Variants in PLEKHH1 observed in about 807,000 individuals in gnomAD.
The protein encoded by PLEKHH1 is pleckstrin homology domain-containing family H member 1.
Under a neutral mutation model 160.0 loss-of-function variants are expected in PLEKHH1, and 104 were observed. The observed-to-expected ratio is 0.65, with a 90% CI of 0.55 to 0.76. The LOEUF (loss-of-function observed/expected upper bound fraction) is 0.76, where lower values mean the gene tolerates loss of function less well. Among genes scored for constraint, PLEKHH1 ranks in the 30% least tolerant of loss-of-function variants. The probability of loss-of-function intolerance (pLI) is 0.00; values close to 1 mark genes in which losing one functional copy is unlikely to be tolerated. For synonymous variants in PLEKHH1, 619 were observed against 678.4 expected, an observed-to-expected ratio of 0.91 and a Z score of 1.36; for missense variants, 1,427 against 1,724.1, an observed-to-expected ratio of 0.83 and a Z score of 3.05.
In PLEKHH1 at chr14:67,583,835, G is replaced by C; in HGVS notation, c.3521G>C (p.Arg1174Thr). 6.2e-7 allele frequency: 1 copy of C among 1,613,472 alleles called. No individual in the cohort carries two copies. The highest frequency in any genetic ancestry group is 8.5e-7 in the Non-Finnish European group (1 of 1,179,662). The change falls in exon 25 of 29, where the codon AGG becomes ACG. Residue 1174 changes from arginine (R) to threonine (T), a missense_variant. Arg to Thr is a moderately conservative substitution (Grantham distance 71). Transcript: ENST00000329153. ...AQHLLQQVLD[R>T]FHPRRYRHGA... ...CATCTTCTCCAGCAGGTCCTAGACA[G>C]GTTCCACCCCAGGCGCTATAGACAT... is the stretch of plus-strand genomic sequence containing the variant.
Position 67,578,540 on chromosome 14 carries a change from C to A in PLEKHH1, c.2758C>A (p.Gln920Lys). The change falls in exon 20 of 29, where the codon CAG becomes AAG. Residue 920 changes from glutamine to lysine, a missense_variant. Coordinates refer to ENST00000329153, the MANE Select transcript of PLEKHH1 (RefSeq NM_020715.3). This position sits in a 1 kb window ranked among gnomAD's most constrained non-coding sequence, Gnocchi z 5.0. ...CTGTCTGTGTCCCTGGCAGTGCTGG[C>A]AGCTCCTCGCTCTGTGTGCTCCACT... is the stretch of plus-strand genomic sequence containing the variant. Reference protein sequence around the residue: ...PQKYSLMQCWQLLALCAPLFL... With the variant: ...PQKYSLMQCWKLLALCAPLFL... The A allele has an allele frequency of 6.2e-7, 1 of 1,608,118 alleles. No individual in the cohort carries two copies.
Position 67,565,201 on chromosome 14 carries a change from C to CTG in PLEKHH1, c.1263+2308_1263+2309insGT, listed in dbSNP as rs561628594. Among the ~76,000 whole-genome samples the CTG allele has an allele frequency of 2.8e-3, 424 of 152,214 alleles. 1 individual carries two copies. Among genetic ancestry groups the CTG allele is most frequent in the Non-Finnish European group, 3.1e-3 (211 of 68,016 alleles). On this transcript the variant is annotated intron_variant, in intron 7 of 28. Coordinates refer to ENST00000329153, the MANE Select transcript of PLEKHH1 (RefSeq NM_020715.3). Reference sequence around the variant, plus strand: ...CCACTGTTCCCCACAGACTTAGGTACTTGCCCAAGGTCATGTAGTAGTTAG... The same window carrying CTG: ...CCACTGTTCCCCACAGACTTAGGTACTGTTGCCCAAGGTCATGTAGTAGTTAG...
At chr14:67,580,676 T>C (rs536995440) in intron 22 of PLEKHH1, among the ~76,000 whole-genome samples, 10 of 152,232 alleles carry the variant, frequency 6.6e-5, no homozygotes, top group Non-Finnish European at 1.2e-4. Context: ...GCCTAGCCTC[T>C]GGGGAGGCCC....
At chr14:67,551,789 C>T (rs964993922) in intron 2 of PLEKHH1, among the ~76,000 whole-genome samples, 2 of 151,752 alleles carry the variant, frequency 1.3e-5, no homozygotes, top group African/African-American at 2.4e-5. Context: ...CTTGGGAGAT[C>T]GAGAATCGCT....
In PLEKHH1 at chr14:67,572,187, C is replaced by T. The variant is rs201079154; in HGVS notation, c.1638C>T (p.Asp546=). ...SSEGDYAIPP[D]ACSLDSDYSE... is the part of the protein sequence containing the mutation. ...AGGGTGACTACGCCATCCCCCCGGA[C>T]GCCTGCTCACTGGACAGTGACTACT... is the stretch of plus-strand genomic sequence containing the variant. Residue 546 remains aspartate (D), a synonymous_variant, in exon 11 of 29, where the codon GAC becomes GAT. Coordinates refer to ENST00000329153, the MANE Select transcript of PLEKHH1 (RefSeq NM_020715.3). 1.9e-4 allele frequency: 313 copies of T among 1,608,268 alleles called. 1 individual carries two copies. The East Asian group carries it at 4.8e-3, about 25-fold the overall frequency.
At chr14:67,565,646 C>T (rs921722371) in intron 7 of PLEKHH1, among the ~76,000 whole-genome samples, 3 of 152,162 alleles carry the variant, frequency 2.0e-5, no homozygotes, top group African/African-American at 4.8e-5. Context: ...GGCAGACATC[C>T]CCTCCACAGA....
chr14:67,583,701 G>C, intron 24 of PLEKHH1, 40 bp from the exon 25 acceptor site: 1 of 1,564,704 alleles, frequency 6.4e-7, no homozygotes, highest in Non-Finnish European at 8.7e-7. Flanking sequence ...CCCATCCACT[G>C]TCAGATTTTG....
intron 2 of PLEKHH1, among the ~76,000 whole-genome samples, chr14:67,551,537 G>A (rs150169076): frequency 1.1e-3 from 167 of 152,252 alleles, no homozygotes; most frequent in African/African-American, 3.9e-3. Flanking sequence ...ACACTGTGGT[G>A]GAGTCAGTGA....
chr14:67,584,174 T>C (rs1410744018), intron 26 of PLEKHH1, 50 bp downstream of exon 26: 1 of 1,585,264 alleles, frequency 6.3e-7, no homozygotes, highest in Non-Finnish European at 8.6e-7. Flanking sequence ...TGTCCCCAAC[T>C]GCTCATGTTT....
chr14:67,560,938 C>T (rs982967382), intron 5 of PLEKHH1, among the ~76,000 whole-genome samples: 2 of 152,214 alleles, frequency 1.3e-5, no homozygotes, highest in Non-Finnish European at 2.9e-5. Flanking sequence ...GTTATGTTGG[C>T]CAGGCTAGTC....
chr14:67,546,709 A>G (rs963998492), intron 2 of PLEKHH1, among the ~76,000 whole-genome samples: 1 of 152,132 alleles, frequency 6.6e-6, no homozygotes, highest in Non-Finnish European at 1.5e-5. Flanking sequence ...ATGTTTTTAA[A>G]AAATTATTCT....
In PLEKHH1 at chr14:67,541,934, A is replaced by G; in HGVS notation, c.67A>G (p.Thr23Ala). ...GCAGAAACGCTGCCTGACCCTGGAAACTCAGCTTTTCCGGTTCCGCCTACA... is the reference window on the plus strand; with the variant it reads ...GCAGAAACGCTGCCTGACCCTGGAAGCTCAGCTTTTCCGGTTCCGCCTACA... Reference protein sequence around the residue: ...DWQKRCLTLETQLFRFRLQAS... With the variant: ...DWQKRCLTLEAQLFRFRLQAS... Residue 23 changes from threonine (T) to alanine (A), a missense_variant, in exon 2 of 29, where the codon ACT (threonine) becomes GCT (alanine). Thr to Ala is a moderately conservative substitution (Grantham distance 58). Transcript: ENST00000329153. The G allele has an allele frequency of 6.2e-7, 1 of 1,607,152 alleles. No homozygotes were observed. Among genetic ancestry groups the G allele is most frequent in the Non-Finnish European group, 8.5e-7 (1 of 1,177,094 alleles).
chr14:67,578,598 T>G lies in PLEKHH1; in HGVS notation c.2816T>G (p.Val939Gly). The G allele has an allele frequency of 3.1e-6, 5 of 1,611,494 alleles. No individual in the cohort carries two copies. Residue 939 changes from valine (V) to glycine (G), a missense_variant, in exon 20 of 29, where the codon GTC (valine) becomes GGC (glycine). Physicochemically the swap from Val to Gly is moderately radical, Grantham distance 109 (BLOSUM62 -3). This residue lies in a region of PLEKHH1 where 436 missense variants were observed against 607.5 expected (regional missense o/e 0.72). Coordinates refer to ENST00000329153, the MANE Select transcript of PLEKHH1 (RefSeq NM_020715.3). This position sits in a 1 kb window ranked among gnomAD's most constrained non-coding sequence, Gnocchi z 5.0. ...CCTCAGCATCACTTCCTCTGGTATG[T>G]CAAGCAGCAGCTCCAACGCCATGCA... ...FLPQHHFLWY[V>G]KQQLQRHADP... is the part of the protein sequence containing the mutation.
chr14:67,548,156 A>G (rs2034252424), intron 2 of PLEKHH1, among the ~76,000 whole-genome samples: 1 of 152,248 alleles, frequency 6.6e-6, no homozygotes, highest in African/African-American at 2.4e-5. Context: ...CAATTTAAAA[A>G]TTGATACTGT....
chr14:67,546,867 G>GAT (rs570707756), intron 2 of PLEKHH1, among the ~76,000 whole-genome samples: 7 of 152,008 alleles, frequency 4.6e-5, no homozygotes, highest in South Asian at 2.1e-4. Flanking sequence ...TGTCTCAAAG[G>GAT]ATATATATAT....
Position 67,578,400 on chromosome 14 carries a change from C to T in PLEKHH1, c.2752-134C>T. On this transcript the variant is annotated intron_variant, in intron 19 of 28. Transcript: ENST00000329153. This position sits in a 1 kb window ranked among gnomAD's most constrained non-coding sequence, Gnocchi z 5.0. ...TCTGGACACAGCCTGACCAAGTTGG[C>T]CATCCCAGCACCCAGAGCAAGTTGG... The T allele has an allele frequency of 1.3e-6, 1 of 790,232 alleles. No homozygotes were observed. Among genetic ancestry groups the T allele is most frequent in the Non-Finnish European group, 2.1e-6 (1 of 476,124 alleles). 49.0% of individuals were successfully genotyped at this position (790,232 alleles called of 1,614,324 possible). A position where few individuals can be genotyped will look rare whatever the true frequency, so the allele number is the denominator to read the frequency against.
intron 7 of PLEKHH1, among the ~76,000 whole-genome samples, chr14:67,565,210 G>A (rs966022125): frequency 1.3e-5 from 2 of 151,958 alleles, no homozygotes; most frequent in Non-Finnish European, 2.9e-5. Flanking sequence ...ACTTGCCCAA[G>A]GTCATGTAGT....
chr14:67,577,267 A>G (rs764754958), intron 17 of PLEKHH1, 35 bp from the exon 18 acceptor site: 11 of 1,376,284 alleles, frequency 8.0e-6, no homozygotes, highest in Admixed American at 2.0e-5. Context: ...CTCAGTAGTA[A>G]CTGCCCTTGC....
At chr14:67,577,250 G>A in intron 17 of PLEKHH1, 52 bp from the exon 18 acceptor site, 1 of 1,129,850 alleles carries the variant, frequency 8.9e-7, no homozygotes, top group East Asian at 2.6e-5. Context: ...TGGGAGATGA[G>A]TCCCCTCTCA....
Sources: allele counts gnomAD v4.1 joint callset (sites outside exome capture counted in the v4.1 genomes callset), GRCh38; gene constraint gnomAD v4.1.1; regional missense constraint gnomAD v4.1.1; non-coding constraint Gnocchi (gnomAD v3.1); transcripts MANE v1.5; gene names NCBI Gene and HGNC (gene_info 2026-07-23, HGNC 2026-07-21).